The following CCDC50 variants were observed in gnomAD, a reference collection of about 807,000 sequenced individuals.
The protein encoded by CCDC50 is coiled-coil domain-containing protein 50.
In CCDC50, 54 loss-of-function variants were observed where a neutral mutation model predicts 70.2. The ratio of observed to expected loss-of-function variants is 0.77; its 90% confidence interval spans 0.62 to 0.96. The LOEUF (loss-of-function observed/expected upper bound fraction) is 0.96, where lower values mean the gene tolerates loss of function less well. Ranked by LOEUF, CCDC50 falls within the 50% of genes least tolerant of loss-of-function variation. CCDC50 has a pLI of 0.00. For missense variants in CCDC50, 558 were observed against 578.7 expected (o/e 0.96, Z 0.37); for synonymous variants, 216 against 198.8 (o/e 1.09, Z -0.73).
At chr3:191,339,025 G>C (rs1246211569) in intron 1 of CCDC50, among the ~76,000 whole-genome samples, 1 of 152,084 alleles carries the variant, frequency 6.6e-6, no homozygotes, top group African/African-American at 2.4e-5. Context: ...AGATAAAGGG[G>C]GGAAGGCTCT....
chr3:191,354,038 C>T (rs1712191724), intron 1 of CCDC50, among the ~76,000 whole-genome samples: 1 of 152,082 alleles, frequency 6.6e-6, no homozygotes, highest in African/African-American at 2.4e-5. Context: ...ATTTCTCACA[C>T]CTGTTATAAT....
intron 1 of CCDC50, among the ~76,000 whole-genome samples, chr3:191,339,598 G>A (rs890531631): frequency 2.6e-5 from 4 of 152,162 alleles, no homozygotes; most frequent in East Asian, 1.9e-4. Context: ...TTTAGAACGC[G>A]TTGCAGATGA....
At chr3:191,331,098 T>C (rs1431347285) in intron 1 of CCDC50, among the ~76,000 whole-genome samples, 2 of 152,188 alleles carry the variant, frequency 1.3e-5, no homozygotes, top group Non-Finnish European at 2.9e-5. Flanking sequence ...ATCTTAGAGA[T>C]TGTCTGGTTA....
chr3:191,360,993 T>C, intron 3 of CCDC50, 76 bp from the exon 4 acceptor site: 1 of 1,009,624 alleles, frequency 9.9e-7, no homozygotes, highest in Non-Finnish European at 1.5e-6. Flanking sequence ...GAGTATTCAA[T>C]AAATTGTATT....
chr3:191,367,893 A>T (rs1006687755), intron 4 of CCDC50, among the ~76,000 whole-genome samples: 8 of 152,086 alleles, frequency 5.3e-5, no homozygotes, highest in African/African-American at 1.9e-4. Context: ...TCTGTAACAA[A>T]TAATAGTTTT....
intron 1 of CCDC50, among the ~76,000 whole-genome samples, chr3:191,332,304 C>A (rs925890930): frequency 6.6e-6 from 1 of 152,174 alleles, no homozygotes; most frequent in African/African-American, 2.4e-5. Context: ...AAAACACACA[C>A]ACATACACCT....
intron 1 of CCDC50, among the ~76,000 whole-genome samples, chr3:191,343,621 G>A (rs1030446847): frequency 2.0e-5 from 3 of 152,186 alleles, no homozygotes; most frequent in Non-Finnish European, 4.4e-5. Flanking sequence ...TTGTTCTAAA[G>A]TAAAGCAACC....
intron 4 of CCDC50, among the ~76,000 whole-genome samples, chr3:191,367,719 C>CTTT (rs1712745676): frequency 6.6e-6 from 1 of 151,984 alleles, no homozygotes; most frequent in Non-Finnish European, 1.5e-5. Flanking sequence ...GATAATTTTC[C>CTTT]TTTATATTTT....
chr3:191,390,770 T>C (rs536043201), intron 11 of CCDC50, among the ~76,000 whole-genome samples: 1 of 152,344 alleles, frequency 6.6e-6, no homozygotes, highest in African/African-American at 2.4e-5. Context: ...ATGACCTGTG[T>C]GTTGTGCCAA....
At chr3:191,347,727 G>T (rs4677734) in intron 1 of CCDC50, among the ~76,000 whole-genome samples, 76,681 of 140,326 alleles carry the variant, frequency 0.55, 29,020 homozygotes, top group East Asian at 0.92. Flanking sequence ...TTATAATAAA[G>T]CTGAAATTCC....
chr3:191,343,389 C>T (rs1481113565), intron 1 of CCDC50, among the ~76,000 whole-genome samples: 1 of 152,060 alleles, frequency 6.6e-6, no homozygotes, highest in Non-Finnish European at 1.5e-5. Flanking sequence ...CTGAATATCT[C>T]AAAGAGCCAG....
At position 191,329,411 on chromosome 3, in the gene CCDC50, AT is replaced by A. The variant is rs1717860191; in HGVS notation, c.-261del. The A allele has an allele frequency of 2.5e-6, 1 of 396,066 alleles. No homozygotes were observed. The highest frequency in any genetic ancestry group is 4.4e-6 in the Non-Finnish European group (1 of 225,036). 24.5% of individuals were successfully genotyped at this position (396,066 alleles called of 1,614,324 possible). On this transcript the variant is annotated 5_prime_UTR_variant, in exon 1 of 12. Coordinates refer to ENST00000392455, the MANE Select transcript of CCDC50 (RefSeq NM_178335.3). The stretch of plus-strand genomic sequence containing the variant: ...CCCGGTCCATTTCCGGGCTCCGGAT[AT>A]TTGGTATCGATTGGGGCCGGGGACG...
intron 10 of CCDC50, among the ~76,000 whole-genome samples, chr3:191,385,081 G>T (rs1490440451): frequency 6.6e-6 from 1 of 152,274 alleles, no homozygotes; most frequent in East Asian, 1.9e-4. Flanking sequence ...CATTTTGGTT[G>T]ATTCCATGTC....
In CCDC50 at chr3:191,394,118, G is replaced by A. The variant is rs149250106; in HGVS notation, c.*2358G>A. 6.6e-6 allele frequency: 1 copy of A among 152,192 alleles called. No individual in the cohort carries two copies. The highest frequency in any genetic ancestry group is 1.5e-5 in the Non-Finnish European group (1 of 67,976). The allele number at this position is 152,192 out of a possible 1,614,324, so 9.4% of individuals were successfully genotyped here. A position where few individuals can be genotyped will look rare whatever the true frequency, so the allele number is the denominator to read the frequency against. On this transcript the variant is annotated 3_prime_UTR_variant, in exon 12 of 12. Coordinates refer to ENST00000392455, the MANE Select transcript of CCDC50 (RefSeq NM_178335.3). ...GAATGTTAGTGTTTCAGCTGTTTTA[G>A]TAAGTGACCAAGTAAGCTATCACCT...
intron 5 of CCDC50, chr3:191,370,319 T>G: frequency 2.8e-6 from 1 of 355,906 alleles, no homozygotes; most frequent in South Asian, 2.2e-5. Context: ...ACCCATTAAC[T>G]CGTCATTTAA....
intron 1 of CCDC50, among the ~76,000 whole-genome samples, chr3:191,337,203 A>T (rs1365534939): frequency 6.6e-6 from 1 of 152,094 alleles, no homozygotes; most frequent in Non-Finnish European, 1.5e-5. Flanking sequence ...AGCCATTTTC[A>T]ATGAAACTTT....
intron 1 of CCDC50, among the ~76,000 whole-genome samples, chr3:191,333,942 TAAAG>T (rs994352203): frequency 4.6e-5 from 7 of 152,188 alleles, no homozygotes; most frequent in East Asian, 3.8e-4. Context: ...ATAGAAAAAT[TAAAG>T]AAAGTAATTT....
At position 191,357,916 on chromosome 3, in the gene CCDC50, T is replaced by C. The variant is rs1232878167; in HGVS notation, c.113-82T>C. On this transcript the variant is annotated intron_variant, in intron 2 of 11. Coordinates refer to ENST00000392455, the MANE Select transcript of CCDC50 (RefSeq NM_178335.3). ...GATGGATGCAAAGCTGTTGTTATGGTAAAGCTCTTAAGATTATTATGGCAT... is the reference window on the plus strand; with the variant it reads ...GATGGATGCAAAGCTGTTGTTATGGCAAAGCTCTTAAGATTATTATGGCAT... The C allele has an allele frequency of 1.1e-5, 17 of 1,565,204 alleles. No individual in the cohort carries two copies. In the East Asian group the frequency reaches 3.6e-4, roughly 33 times the overall value.
chr3:191,384,188 T>C (rs1560171742), intron 10 of CCDC50, among the ~76,000 whole-genome samples: 1 of 152,158 alleles, frequency 6.6e-6, no homozygotes, highest in African/African-American at 2.4e-5. Flanking sequence ...ATGGCTATTA[T>C]AAATGAATGA....
Sources: allele counts gnomAD v4.1 joint callset (sites outside exome capture counted in the v4.1 genomes callset), GRCh38; gene constraint gnomAD v4.1.1; transcripts MANE v1.5; gene names NCBI Gene and HGNC (gene_info 2026-07-23, HGNC 2026-07-21).